Variants in NUP188 observed in about 807,000 individuals in gnomAD.
NUP188 encodes the protein nucleoporin 188.
NUP188 carries 97 observed loss-of-function variants against 223.0 expected under a neutral mutation model. The observed-to-expected ratio is 0.43, with a 90% CI of 0.37 to 0.51. The LOEUF is 0.51. Among genes scored for constraint, NUP188 ranks in the 20% least tolerant of loss-of-function variants. The probability of loss-of-function intolerance (pLI) is 0.00; values close to 1 mark genes in which losing one functional copy is unlikely to be tolerated. For synonymous variants in NUP188, 869 were observed against 828.0 expected (o/e 1.05, Z -0.85); for missense variants, 1,947 against 2,175.6 (o/e 0.89, Z 2.09).
chr9:128,967,055 T>A (rs1329182277), intron 8 of NUP188, among the ~76,000 whole-genome samples: 1 of 152,204 alleles, frequency 6.6e-6, no homozygotes, highest in East Asian at 1.9e-4. Context: ...TCACCCAGGC[T>A]GGGGTACAGG....
chr9:128,999,893 G>C (rs2131189305), intron 34 of NUP188, 88 bp downstream of exon 34: 2 of 1,263,320 alleles, frequency 1.6e-6, no homozygotes, highest in South Asian at 1.3e-5. Context: ...GATCAAGACA[G>C]ATAGTCGCTG....
chr9:128,948,673 G>T (rs938041429), intron 1 of NUP188: 36 of 130,522 alleles, frequency 2.8e-4, no homozygotes, highest in African/African-American at 9.0e-4. Flanking sequence ...AAACATCCCC[G>T]TCTCTTATCC....
intron 1 of NUP188, chr9:128,947,959 T>A (rs921080954): frequency 1.7e-5 from 7 of 402,388 alleles, no homozygotes; most frequent in Non-Finnish European, 3.0e-5. Flanking sequence ...GGGGGCCGGC[T>A]CTTCACCCCT....
chr9:128,987,846 A>G, intron 23 of NUP188, 129 bp downstream of exon 23: 2 of 1,301,176 alleles, frequency 1.5e-6, no homozygotes, highest in Non-Finnish European at 2.1e-6. Context: ...CATAGCCTTT[A>G]CATACCCTAG....
Position 129,005,311 on chromosome 9 carries a change from T to C in NUP188, c.4518T>C (p.Asn1506=). The change falls in exon 40 of 44, where the codon AAT becomes AAC. Residue 1506 remains asparagine (N), a synonymous_variant. Transcript: ENST00000372577. ...TTCTTGACTCTCCTTAGAACAAAAATGGGGATGGCCTCCCCTCAGCTGTTG... is the reference window on the plus strand; with the variant it reads ...TTCTTGACTCTCCTTAGAACAAAAACGGGGATGGCCTCCCCTCAGCTGTTG... The part of the protein sequence containing the change: ...KMLQHYLQNK[N]GDGLPSAVAQ... 1 of 1,614,040 alleles carries C rather than the reference T, an allele frequency of 6.2e-7. No individual in the cohort carries two copies. The highest frequency in any genetic ancestry group is 8.5e-7 in the Non-Finnish European group (1 of 1,179,898).
intron 34 of NUP188, among the ~76,000 whole-genome samples, chr9:129,001,008 G>A (rs1842649261): frequency 6.6e-6 from 1 of 152,280 alleles, no homozygotes; most frequent in South Asian, 2.1e-4. Context: ...CTGCACTCCA[G>A]CCTGGGGGAC....
chr9:128,954,686 A>G (rs913679802), intron 3 of NUP188, among the ~76,000 whole-genome samples: 1 of 151,196 alleles, frequency 6.6e-6, no homozygotes, highest in Non-Finnish European at 1.5e-5. Flanking sequence ...GGCCGGTGAC[A>G]ATGTCGACAA....
Position 128,952,808 on chromosome 9 carries a change from G to A in NUP188, c.123G>A (p.Arg41=), listed in dbSNP as rs372622335. ...AGGCAGAACTGAATAAACATTGGCG[G>A]CGATTGTTAGAGGGGCTTTCTTACT... ...QIEAELNKHW[R]RLLEGLSYYK... The change falls in exon 3 of 44, where the codon CGG becomes CGA. Residue 41 remains arginine, a synonymous_variant. Coordinates refer to ENST00000372577, the MANE Select transcript of NUP188 (RefSeq NM_015354.3). 6.2e-6 allele frequency: 10 copies of A among 1,613,664 alleles called. No individual in the cohort carries two copies. The African/African-American group carries it at 1.1e-4, about 17-fold the overall frequency.
At chr9:128,952,214 T>C (rs1012263854) in intron 2 of NUP188, among the ~76,000 whole-genome samples, 2 of 151,886 alleles carry the variant, frequency 1.3e-5, no homozygotes, top group Non-Finnish European at 2.9e-5. Context: ...TTGGACAATA[T>C]GGTGAAACCC....
At chr9:128,965,499 CTG>C (rs1442807390) in intron 8 of NUP188, among the ~76,000 whole-genome samples, 1 of 152,074 alleles carries the variant, frequency 6.6e-6, no homozygotes, top group East Asian at 1.9e-4. Context: ...ATAGCCCAAA[CTG>C]GAGTGCAGTG....
intron 22 of NUP188, 30 bp from the exon 23 acceptor site, chr9:128,987,559 C>T: frequency 6.3e-7 from 1 of 1,598,590 alleles, no homozygotes; most frequent in South Asian, 1.1e-5. Flanking sequence ...GAGTGGCTCC[C>T]TGGTAACTCA....
At position 128,981,386 on chromosome 9, in the gene NUP188, C is replaced by A; in HGVS notation, c.1512C>A (p.Pro504=). The A allele has an allele frequency of 6.2e-7, 1 of 1,602,908 alleles. No individual in the cohort carries two copies. Among genetic ancestry groups the A allele is most frequent in the South Asian group, 1.1e-5 (1 of 88,008 alleles). The change falls in exon 15 of 44, where the codon CCC becomes CCA. Residue 504 remains proline, a synonymous_variant. Transcript: ENST00000372577. ...WRRQTPKLLY[P]LGGQTNLRIP... is the part of the protein sequence containing the mutation. Reference sequence around the variant, plus strand: ...GACAAACACCCAAACTCCTTTATCCCCTTGGTGAGATAAAGAGATCCCCCT... The same window carrying A: ...GACAAACACCCAAACTCCTTTATCCACTTGGTGAGATAAAGAGATCCCCCT...
At chr9:128,997,852 C>T (rs1842556391) in intron 30 of NUP188, among the ~76,000 whole-genome samples, 1 of 152,118 alleles carries the variant, frequency 6.6e-6, no homozygotes, top group Admixed American at 6.5e-5. Flanking sequence ...TCCCGAGTAG[C>T]TGGGACTACA....
chr9:128,995,575 GC>G, intron 30 of NUP188, 61 bp downstream of exon 30: 1 of 1,382,670 alleles, frequency 7.2e-7, no homozygotes, highest in Non-Finnish European at 9.9e-7. Flanking sequence ...GTTGACATGA[GC>G]CTAGCAGATA....
intron 27 of NUP188, 125 bp from the exon 28 acceptor site, chr9:128,994,248 T>C: frequency 2.9e-6 from 2 of 697,802 alleles, no homozygotes; most frequent in Middle Eastern, 5.3e-4. Context: ...ACAACTGACT[T>C]ATCAGACACA....
rs551286608 is a variant in NUP188 at position 128,980,757 on chromosome 9, TG to T, written c.1389+35del. On this transcript the variant is annotated intron_variant, in intron 14 of 43. Coordinates refer to ENST00000372577, the MANE Select transcript of NUP188 (RefSeq NM_015354.3). ...TGCTTAGTCAGATAAGTAAAGAGAA[TG>T]GGAGATTCTTTATGGAGACTTTATT... 64 of 1,608,218 alleles carry T rather than the reference TG, an allele frequency of 4.0e-5. No homozygotes were observed. In the Admixed American group the frequency reaches 4.9e-4, roughly 12 times the overall value.
intron 3 of NUP188, among the ~76,000 whole-genome samples, chr9:128,955,258 T>A (rs1242148005): frequency 6.6e-6 from 1 of 152,238 alleles, no homozygotes. Flanking sequence ...GCCAAGTTTC[T>A]CCTCTGTAAA....
In NUP188 at chr9:128,952,917, TA is replaced by T. The variant is rs529665266; in HGVS notation, c.161+72del. The T allele has an allele frequency of 3.2e-4, 390 of 1,221,268 alleles. 4 individuals are homozygous for T. In the African/African-American group the frequency reaches 5.2e-3, roughly 16 times the overall value. 75.7% of individuals were successfully genotyped at this position (1,221,268 alleles called of 1,614,324 possible). ...GCTGACATGGATAAAACCATCCTTC[TA>T]TGTGCTTTGATGATATTGTAGGGTT... On this transcript the variant is annotated intron_variant, in intron 3 of 43. Coordinates refer to ENST00000372577, the MANE Select transcript of NUP188 (RefSeq NM_015354.3).
At chr9:128,970,248 A>G (rs1842087212) in intron 10 of NUP188, among the ~76,000 whole-genome samples, 1 of 152,144 alleles carries the variant, frequency 6.6e-6, no homozygotes, top group African/African-American at 2.4e-5. Flanking sequence ...TAAACAGTTG[A>G]TTAGACCTGG....
Sources: allele counts gnomAD v4.1 joint callset (sites outside exome capture counted in the v4.1 genomes callset), GRCh38; gene constraint gnomAD v4.1.1; transcripts MANE v1.5; gene names NCBI Gene and HGNC (gene_info 2026-07-23, HGNC 2026-07-21).